The following ACTR3C variants were observed in gnomAD, a reference collection of about 807,000 sequenced individuals.
The protein encoded by ACTR3C is actin related protein 3C, also known as actin-related protein 3C.
Under a neutral mutation model 26.3 loss-of-function variants are expected in ACTR3C, and 18 were observed. That is an observed-to-expected ratio of 0.68 (90% confidence interval 0.47 to 1.01). The LOEUF is 1.01. Among genes scored for constraint, ACTR3C ranks in the 50% least tolerant of loss-of-function variants. The pLI, the probability that ACTR3C is intolerant of heterozygous loss-of-function variation, is 0.00. For missense variants in ACTR3C, 184 were observed against 250.7 expected (o/e 0.73, Z 1.80); for synonymous variants, 55 against 94.5 (o/e 0.58, Z 2.42).
the ACTR3C span, among the ~76,000 whole-genome samples, chr7:150,042,940 C>T: frequency 6.6e-6 from 1 of 150,700 alleles, no homozygotes; most frequent in Non-Finnish European, 1.5e-5. Flanking sequence ...TAATGAAAGA[C>T]TCGCTGTTGT....
At chr7:150,100,265 G>T in the ACTR3C span, among the ~76,000 whole-genome samples, 1 of 151,560 alleles carries the variant, frequency 6.6e-6, no homozygotes, top group African/African-American at 2.4e-5. Context: ...CAGGCACTTA[G>T]GAGACATCAG....
chr7:150,255,242 A>ATTTTTTTTTTTTTTTTTTTTT (rs745713614), intron 6 of ACTR3C, among the ~76,000 whole-genome samples: 7 of 85,606 alleles, frequency 8.2e-5, no homozygotes, highest in South Asian at 4.5e-4. Flanking sequence ...TTTGTAGGGG[A>ATTTTTTTTTTTTTTTTTTTTT]TTTTTTTTTT....
the ACTR3C span, among the ~76,000 whole-genome samples, chr7:150,112,179 G>T: frequency 1.3e-5 from 2 of 151,212 alleles, no homozygotes; most frequent in African/African-American, 4.9e-5. Context: ...TCCGGGCCCC[G>T]CTCTGAGCTT....
the ACTR3C span, among the ~76,000 whole-genome samples, chr7:149,885,091 C>T: frequency 6.6e-6 from 1 of 152,138 alleles, no homozygotes; most frequent in Admixed American, 6.5e-5. Context: ...TCCCTTTACC[C>T]ACCAGATGCT....
At chr7:149,881,741 T>C in the ACTR3C span, 1 of 150,194 alleles carries the variant, frequency 6.7e-6, no homozygotes, top group East Asian at 2.0e-4. Flanking sequence ...GTTCACGGGG[T>C]GGGTGGGTGA....
the ACTR3C span, among the ~76,000 whole-genome samples, chr7:150,215,130 G>A: frequency 0.092 from 13,814 of 150,354 alleles, 829 homozygotes; most frequent in East Asian, 0.23. Context: ...TGTCCTTGTG[G>A]TAAAATAAAC....
chr7:150,154,880 C>G, the ACTR3C span, among the ~76,000 whole-genome samples: 1 of 152,048 alleles, frequency 6.6e-6, no homozygotes, highest in Non-Finnish European at 1.5e-5. Context: ...GGAATTGGTA[C>G]AAAAATGATA....
the ACTR3C span, among the ~76,000 whole-genome samples, chr7:149,908,139 C>T: frequency 1.3e-5 from 2 of 152,078 alleles, no homozygotes; most frequent in South Asian, 2.1e-4. Context: ...GAGATGAGAC[C>T]ATGGGAGGAC....
intron 3 of ACTR3C, among the ~76,000 whole-genome samples, chr7:150,291,426 T>C (rs1836257167): frequency 6.6e-6 from 1 of 151,762 alleles, no homozygotes; most frequent in African/African-American, 2.4e-5. Flanking sequence ...TGAAACTCCA[T>C]CTCCAAAAAA....
the ACTR3C span, chr7:149,892,418 A>G: frequency 1.3e-6 from 2 of 1,585,852 alleles, no homozygotes; most frequent in Non-Finnish European, 1.7e-6. Flanking sequence ...ACACACACAC[A>G]CACAGATTTC....
chr7:150,126,225 C>T, the ACTR3C span, among the ~76,000 whole-genome samples: 264 of 152,108 alleles, frequency 1.7e-3, 5 homozygotes, highest in South Asian at 0.023. Flanking sequence ...GTGGAAGATT[C>T]TCTCGCTTAA....
chr7:150,267,015 G>A (rs1834091349), intron 6 of ACTR3C, among the ~76,000 whole-genome samples: 1 of 152,208 alleles, frequency 6.6e-6, no homozygotes, highest in South Asian at 2.1e-4. Context: ...AACATATTCA[G>A]CAGACACTGA....
the ACTR3C span, among the ~76,000 whole-genome samples, chr7:150,047,376 T>G: frequency 7.9e-5 from 12 of 151,682 alleles, no homozygotes; most frequent in African/African-American, 2.9e-4. Context: ...CAAACCCCGC[T>G]CTCTCCAGCC....
the ACTR3C span, among the ~76,000 whole-genome samples, chr7:150,212,600 T>C: frequency 6.6e-6 from 1 of 151,378 alleles, no homozygotes; most frequent in Non-Finnish European, 1.5e-5. Context: ...CTCTTTCTTA[T>C]TTCTTCCAGA....
the ACTR3C span, among the ~76,000 whole-genome samples, chr7:149,894,478 T>C: frequency 6.6e-6 from 1 of 152,112 alleles, no homozygotes; most frequent in African/African-American, 2.4e-5. Context: ...AGAAACTATT[T>C]GCAAACTATC....
At chr7:150,206,564 C>A in the ACTR3C span, among the ~76,000 whole-genome samples, 1 of 152,014 alleles carries the variant, frequency 6.6e-6, no homozygotes, top group Non-Finnish European at 1.5e-5. Flanking sequence ...TAGGCATGCA[C>A]CACCATGCCC....
chr7:150,018,262 T>A, the ACTR3C span, among the ~76,000 whole-genome samples: 1 of 149,508 alleles, frequency 6.7e-6, no homozygotes, highest in East Asian at 1.9e-4. Context: ...GCCAGGATGG[T>A]CTCCATCTCC....
the ACTR3C span, among the ~76,000 whole-genome samples, chr7:150,026,636 T>G: frequency 6.6e-6 from 1 of 152,072 alleles, no homozygotes; most frequent in East Asian, 1.9e-4. Flanking sequence ...AATTTTCTGT[T>G]AAACTAAGCA....
At chr7:149,940,237 G>A in the ACTR3C span, among the ~76,000 whole-genome samples, 1 of 152,038 alleles carries the variant, frequency 6.6e-6, no homozygotes, top group African/African-American at 2.4e-5. Flanking sequence ...AAGAGGTATT[G>A]ATCAGGAAAG....
Sources: gnomAD v4.1 joint callset for allele counts (sites outside exome capture counted in the v4.1 genomes callset) on GRCh38, gnomAD v4.1.1 for gene constraint, MANE v1.5 for transcripts, NCBI Gene and HGNC (gene_info 2026-07-23, HGNC 2026-07-21) for gene names.